PHF21A: variants seen among roughly 807,000 people sequenced by gnomAD.
The protein encoded by PHF21A is BHC80a.
A neutral mutation model predicts 82.5 loss-of-function variants in PHF21A; 11 were observed. The observed-to-expected ratio is 0.13, with a 90% confidence interval of 0.08 to 0.22. The LOEUF (loss-of-function observed/expected upper bound fraction) is 0.22. Among genes scored for constraint, PHF21A ranks in the 10% least tolerant of loss-of-function variants. The pLI is 1.00. For synonymous variants in PHF21A, 297 were observed against 302.8 expected (o/e 0.98, Z 0.20); for missense variants, 579 against 837.8 (o/e 0.69, Z 3.81).
intron 1 of PHF21A, among the ~76,000 whole-genome samples, chr11:46,120,123 ACACACT>A (rs1156901991): frequency 1.3e-5 from 2 of 149,762 alleles, no homozygotes; most frequent in Admixed American, 6.6e-5. Flanking sequence ...AAATGCACCA[ACACACT>A]CACACTCACA....
intron 6 of PHF21A, among the ~76,000 whole-genome samples, chr11:45,984,288 T>C (rs577874192): frequency 5.3e-5 from 8 of 152,196 alleles, no homozygotes; most frequent in Non-Finnish European, 1.0e-4. Flanking sequence ...ATGCCAGGCC[T>C]CCAGAACTGC....
chr11:45,938,081 CCGGGAAAGGAATTCCTCCTGATGG>C, intron 16 of PHF21A, 52 bp downstream of exon 16: 2 of 1,297,156 alleles, frequency 1.5e-6, no homozygotes, highest in Non-Finnish European at 2.1e-6. Flanking sequence ...TGCCATTTCC[CCGGGAAAGGAATTCCTCCTGATGG>C]CCGTGTCTTT....
At chr11:46,112,464 C>T (rs952048370) in intron 1 of PHF21A, among the ~76,000 whole-genome samples, 1 of 152,066 alleles carries the variant, frequency 6.6e-6, no homozygotes, top group Non-Finnish European at 1.5e-5. Context: ...CCTGTAACAA[C>T]CCTCTGATAT....
chr11:45,967,574 G>A lies in PHF21A; in HGVS notation c.703-1966C>T, dbSNP rs367748181. Among the ~76,000 whole-genome samples the A allele has an allele frequency of 1.5e-3, 236 of 152,280 alleles. 6 individuals carry two copies. The South Asian group carries it at 0.048, about 31-fold the overall frequency. ...TCTATGCCAAGGTGGCTTTCCCACT[G>A]TCTTAGATAAGGAGCTTATTTCCTT... is the stretch of plus-strand genomic sequence containing the variant. On this transcript the variant is annotated intron_variant, in intron 9 of 18. Coordinates refer to ENST00000676320, the MANE Select transcript of PHF21A (RefSeq NM_001352027.3).
chr11:45,947,019 C>G (rs1023653855), intron 14 of PHF21A, among the ~76,000 whole-genome samples: 5 of 152,234 alleles, frequency 3.3e-5, no homozygotes, highest in Non-Finnish European at 7.3e-5. Flanking sequence ...CTGTCTCCCC[C>G]ACTTTACATG....
chr11:46,015,891 C>G (rs1250464756), intron 6 of PHF21A, among the ~76,000 whole-genome samples: 1 of 129,248 alleles, frequency 7.7e-6, no homozygotes, highest in Non-Finnish European at 1.6e-5. Flanking sequence ...TGCTGTTTTA[C>G]AGTCATCTAT....
chr11:45,964,210 A>AATAATAATAATG (rs1287947662), intron 10 of PHF21A, among the ~76,000 whole-genome samples: 10 of 146,926 alleles, frequency 6.8e-5, no homozygotes, highest in African/African-American at 2.5e-4. Flanking sequence ...AAATAATAAT[A>AATAATAATAATG]ATAATAATAA....
At chr11:45,956,251 A>C (rs1452083471) in intron 10 of PHF21A, among the ~76,000 whole-genome samples, 1 of 152,206 alleles carries the variant, frequency 6.6e-6, no homozygotes, top group Non-Finnish European at 1.5e-5. Flanking sequence ...CAATAAAGCT[A>C]ACTAGATGAA....
rs539337654 is a variant in PHF21A at position 46,076,453 on chromosome 11, T to C, written c.153+301A>G. 2.6e-5 allele frequency among the ~76,000 whole-genome samples: 4 copies of C among 152,338 alleles called. No homozygotes were observed. The South Asian group carries it at 8.3e-4, about 32-fold the overall frequency. On this transcript the variant is annotated intron_variant, in intron 6 of 18. Coordinates refer to ENST00000676320, the MANE Select transcript of PHF21A (RefSeq NM_001352027.3). ...AAGATTCTCTATCACCTATTCTCACTAACTGCCTTTACCCCATCCCCTATA... is the reference window on the plus strand; with the variant it reads ...AAGATTCTCTATCACCTATTCTCACCAACTGCCTTTACCCCATCCCCTATA...
At chr11:45,945,449 C>T (rs934499460) in intron 15 of PHF21A, among the ~76,000 whole-genome samples, 3 of 152,182 alleles carry the variant, frequency 2.0e-5, no homozygotes, top group African/African-American at 7.2e-5. Flanking sequence ...GTATTTGAAG[C>T]AGCAAACAAG....
At chr11:46,031,488 C>T (rs1318699900) in intron 6 of PHF21A, among the ~76,000 whole-genome samples, 2 of 152,144 alleles carry the variant, frequency 1.3e-5, no homozygotes, top group East Asian at 1.9e-4. Context: ...GCAACAGGAA[C>T]CCAAAGATAG....
intron 6 of PHF21A, among the ~76,000 whole-genome samples, chr11:45,994,124 C>CCT (rs1418709554): frequency 6.6e-6 from 1 of 152,204 alleles, no homozygotes; most frequent in Non-Finnish European, 1.5e-5. Context: ...GATTCTGTTG[C>CCT]TAACCTTACA....
At position 45,934,002 on chromosome 11, in the gene PHF21A, G is replaced by A. The variant is rs758501208; in HGVS notation, c.2012C>T (p.Thr671Ile). The A allele has an allele frequency of 4.4e-6, 7 of 1,601,640 alleles. No homozygotes were observed. The East Asian group carries it at 1.3e-4, about 31-fold the overall frequency. Reference sequence around the variant, plus strand: ...CTCTTCCCCCTGGTTACAGTTCGCTGTGCAGCTCTGGGAGGAGGGGGAAGG... The same window carrying A: ...CTCTTCCCCCTGGTTACAGTTCGCTATGCAGCTCTGGGAGGAGGGGGAAGG... ...PAPSPSSQSCTANCNQGEETK is the reference protein window; with the variant it reads ...PAPSPSSQSCIANCNQGEETK Residue 671 changes from threonine to isoleucine, a missense_variant, in exon 19 of 19, where the codon ACA (threonine) becomes ATA (isoleucine). Physicochemically the swap from Thr to Ile is moderately conservative, Grantham distance 89 (BLOSUM62 -1). Coordinates refer to ENST00000676320, the MANE Select transcript of PHF21A (RefSeq NM_001352027.3).
chr11:46,003,135 A>AT (rs768898270), intron 6 of PHF21A, among the ~76,000 whole-genome samples: 2 of 152,192 alleles, frequency 1.3e-5, no homozygotes, highest in African/African-American at 4.8e-5. Context: ...CAGGAGTAGA[A>AT]TAATTTCCTC....
intron 17 of PHF21A, 120 bp downstream of exon 17, chr11:45,936,374 A>C: frequency 1.6e-6 from 1 of 640,082 alleles, no homozygotes; most frequent in South Asian, 2.1e-5. Context: ...TCCAATAGTT[A>C]AGGGCAAAAG....
rs1037634035 is a variant in PHF21A at position 45,969,731 on chromosome 11, C to A, written c.702+84G>T. ...CGGGATAGACAGCTGGGCTGACAAG[C>A]CCCATTACAGGCTACTTAGAAAGAG... On this transcript the variant is annotated intron_variant, in intron 9 of 18. Coordinates refer to ENST00000676320, the MANE Select transcript of PHF21A (RefSeq NM_001352027.3). The A allele has an allele frequency of 5.7e-6, 5 of 871,298 alleles. No homozygotes were observed. The African/African-American group carries it at 6.7e-5, about 12-fold the overall frequency. The allele number at this position is 871,298 out of a possible 1,614,324, so 54.0% of individuals were successfully genotyped here. A position where few individuals can be genotyped will look rare whatever the true frequency, so the allele number is the denominator to read the frequency against.
chr11:46,096,536 C>T (rs1406161557), intron 1 of PHF21A, among the ~76,000 whole-genome samples: 3 of 152,028 alleles, frequency 2.0e-5, no homozygotes, highest in African/African-American at 7.2e-5. Flanking sequence ...TCTTTTGACC[C>T]ACTGCTCATT....
chr11:46,011,602 GGT>G (rs2095415781), intron 6 of PHF21A, among the ~76,000 whole-genome samples: 1 of 152,162 alleles, frequency 6.6e-6, no homozygotes, highest in Non-Finnish European at 1.5e-5. Flanking sequence ...CCCACTTGGT[GGT>G]ACTAAGCACT....
At chr11:45,937,583 C>T (rs933185017) in intron 16 of PHF21A, among the ~76,000 whole-genome samples, 2 of 152,304 alleles carry the variant, frequency 1.3e-5, no homozygotes, top group African/African-American at 2.4e-5. Flanking sequence ...TGGGTTCAAG[C>T]GATTCTCCTG....
Sources: allele counts gnomAD v4.1 joint callset (sites outside exome capture counted in the v4.1 genomes callset), GRCh38; gene constraint gnomAD v4.1.1; transcripts MANE v1.5; gene names NCBI Gene and HGNC (gene_info 2026-07-23, HGNC 2026-07-21).